The following MACROD2 variants were observed in gnomAD, a reference collection of about 807,000 sequenced individuals.
MACROD2 encodes ADP-ribose glycohydrolase MACROD2.
In MACROD2, 36 loss-of-function variants were observed where a neutral mutation model predicts 70.4. That is an observed-to-expected ratio of 0.51 (90% confidence interval 0.39 to 0.68). The LOEUF is 0.68. Among genes scored for constraint, MACROD2 ranks in the 30% least tolerant of loss-of-function variants. MACROD2 has a pLI of 0.00. For synonymous variants in MACROD2, 172 were observed against 178.8 expected (o/e 0.96, Z 0.30); for missense variants, 496 against 538.4 (o/e 0.92, Z 0.78).
intron 5 of MACROD2, among the ~76,000 whole-genome samples, chr20:14,903,941 G>A (rs1264933016): frequency 6.6e-6 from 1 of 152,156 alleles, no homozygotes; most frequent in Admixed American, 6.5e-5. Context: ...CGCTGAGAAT[G>A]TAACCACAGG....
rs2072050750 is a variant in MACROD2 at position 14,763,938 on chromosome 20, C to G, written c.418+78979C>G. Among the ~76,000 whole-genome samples, 3 of 152,056 alleles carry G rather than the reference C, an allele frequency of 2.0e-5. No individual in the cohort carries two copies. In the South Asian group the frequency reaches 6.2e-4, roughly 31 times the overall value. On this transcript the variant is annotated intron_variant, in intron 5 of 17. Coordinates refer to ENST00000684519, the MANE Select transcript of MACROD2 (RefSeq NM_001351661.2). ...TGAATAGTCCTAAGGGGTTCACAAA[C>G]CTCAGATATATGTATATACTTTCCC...
At chr20:15,820,955 T>C (rs12480713) in intron 8 of MACROD2, among the ~76,000 whole-genome samples, 79,986 of 152,018 alleles carry the variant, frequency 0.53, 21,996 homozygotes, top group African/African-American at 0.71. Flanking sequence ...GCCCCTGCTG[T>C]TCACATTACA....
At position 14,162,896 on chromosome 20, in the gene MACROD2, C is replaced by T. The variant is rs973716797; in HGVS notation, c.271+77168C>T. Among the ~76,000 whole-genome samples the T allele has an allele frequency of 1.3e-4, 19 of 151,976 alleles. No individual in the cohort carries two copies. The East Asian group carries it at 3.5e-3, about 28-fold the overall frequency. ...TCAAGGTTGCTATTGATATATGAGG[C>T]CTTATTCCTGTCATTTTATTAATTG... On this transcript the variant is annotated intron_variant, in intron 3 of 17. Transcript: ENST00000684519.
chr20:15,435,367 G>T (rs1237468080), intron 7 of MACROD2, among the ~76,000 whole-genome samples: 1 of 151,918 alleles, frequency 6.6e-6, no homozygotes, highest in Non-Finnish European at 1.5e-5. Flanking sequence ...ATATTTATTT[G>T]TTCCACACAC....
At chr20:14,743,607 C>G (rs6074788) in intron 5 of MACROD2, among the ~76,000 whole-genome samples, 58,338 of 152,008 alleles carry the variant, frequency 0.38, 13,146 homozygotes, top group Non-Finnish European at 0.51. Flanking sequence ...TTATGTCATA[C>G]AGAACACCAA....
At chr20:15,603,162 T>C (rs1376531410) in intron 8 of MACROD2, among the ~76,000 whole-genome samples, 1 of 152,048 alleles carries the variant, frequency 6.6e-6, no homozygotes, top group African/African-American at 2.4e-5. Context: ...TTTGAAACAC[T>C]CATTAATTTT....
At chr20:15,909,772 C>G (rs539478501) in intron 10 of MACROD2, among the ~76,000 whole-genome samples, 1 of 152,228 alleles carries the variant, frequency 6.6e-6, no homozygotes, top group South Asian at 2.1e-4. Flanking sequence ...ATCCGCCCGC[C>G]TCAGCCTCCC....
intron 3 of MACROD2, among the ~76,000 whole-genome samples, chr20:14,151,545 C>T (rs968744517): frequency 6.6e-6 from 1 of 152,116 alleles, no homozygotes; most frequent in African/African-American, 2.4e-5. Flanking sequence ...TGCCTTCCCC[C>T]TCTGATCTCA....
chr20:15,498,310 A>G (rs2047323331), intron 7 of MACROD2, among the ~76,000 whole-genome samples: 1 of 152,168 alleles, frequency 6.6e-6, no homozygotes, highest in African/African-American at 2.4e-5. Context: ...GATCTGAACC[A>G]TCAGTTTGAA....
chr20:15,982,613 A>G (rs1229334004), intron 13 of MACROD2, among the ~76,000 whole-genome samples: 1 of 152,122 alleles, frequency 6.6e-6, no homozygotes, highest in African/African-American at 2.4e-5. Context: ...GGCCTACTAG[A>G]GTAAACTGAG....
chr20:15,542,040 C>T (rs1443384453), intron 8 of MACROD2, among the ~76,000 whole-genome samples: 1 of 152,164 alleles, frequency 6.6e-6, no homozygotes, highest in Non-Finnish European at 1.5e-5. Flanking sequence ...CGTGTGACTG[C>T]GACCTGTACA....
intron 4 of MACROD2, among the ~76,000 whole-genome samples, chr20:14,531,085 G>A (rs550615964): frequency 6.6e-6 from 1 of 152,216 alleles, no homozygotes; most frequent in South Asian, 2.1e-4. Flanking sequence ...TTCCATTTGT[G>A]GTTTGGGGAC....
intron 3 of MACROD2, among the ~76,000 whole-genome samples, chr20:14,275,774 C>G (rs2082248242): frequency 6.6e-6 from 1 of 151,930 alleles, no homozygotes; most frequent in Admixed American, 6.5e-5. Flanking sequence ...TGAACTCAAA[C>G]AAATTTACAA....
intron 5 of MACROD2, among the ~76,000 whole-genome samples, chr20:14,778,454 C>T (rs922087142): frequency 2.0e-5 from 3 of 152,024 alleles, no homozygotes; most frequent in Admixed American, 6.6e-5. Flanking sequence ...CTAACCTTTT[C>T]CCCTCCCATC....
rs559806197 is a variant in MACROD2, at chr20:15,339,903, A to G, written c.541-91502A>G. On this transcript the variant is annotated intron_variant, in intron 6 of 17. Coordinates refer to ENST00000684519, the MANE Select transcript of MACROD2 (RefSeq NM_001351661.2). The stretch of plus-strand genomic sequence containing the variant: ...TTTTCCATTGCAATGTAGTTTTAAT[A>G]ATGCTGCAGTGAGTGGATTATTGAC... 9.6e-4 allele frequency among the ~76,000 whole-genome samples: 146 copies of G among 151,692 alleles called. 2 individuals are homozygous for G. Among genetic ancestry groups the G allele is most frequent in the Middle Eastern group, 3.4e-3 (1 of 294 alleles).
chr20:14,604,950 TC>T (rs1401819824), intron 4 of MACROD2, among the ~76,000 whole-genome samples: 1 of 152,184 alleles, frequency 6.6e-6, no homozygotes, highest in African/African-American at 2.4e-5. Flanking sequence ...CATTGGGCAT[TC>T]TACTTAATCT....
At chr20:14,862,098 T>TAAAA (rs2073336944) in intron 5 of MACROD2, among the ~76,000 whole-genome samples, 1 of 22,776 alleles carries the variant, frequency 4.4e-5, no homozygotes, top group African/African-American at 2.2e-4. Context: ...TATAAATATA[T>TAAAA]ATTTATACAT....
intron 5 of MACROD2, among the ~76,000 whole-genome samples, chr20:15,078,222 A>G (rs898210322): frequency 1.1e-4 from 17 of 152,098 alleles, no homozygotes; most frequent in Non-Finnish European, 1.9e-4. Context: ...AAAAGCGGCC[A>G]AAGAGCCCTG....
chr20:15,316,924 A>C (rs2146162153), intron 6 of MACROD2, among the ~76,000 whole-genome samples: 1 of 152,194 alleles, frequency 6.6e-6, no homozygotes, highest in Middle Eastern at 3.4e-3. Flanking sequence ...CAAATATGTG[A>C]AAAATAAAAT....
Sources: gnomAD v4.1 joint callset for allele counts (sites outside exome capture counted in the v4.1 genomes callset) on GRCh38, gnomAD v4.1.1 for gene constraint, MANE v1.5 for transcripts, NCBI Gene and HGNC (gene_info 2026-07-23, HGNC 2026-07-21) for gene names.